Variants in KLHL13 observed in about 807,000 individuals in gnomAD.
KLHL13 encodes kelch like family member 13, also known as kelch-like protein 13.
A neutral mutation model predicts 37.1 loss-of-function variants in KLHL13; 10 were observed. That is an observed-to-expected ratio of 0.27 (90% CI 0.17 to 0.46). The LOEUF (loss-of-function observed/expected upper bound fraction) is 0.46, where lower values mean the gene tolerates loss of function less well. KLHL13 is among the 20% of genes least tolerant of loss of function. KLHL13 has a pLI of 1.00. For missense variants in KLHL13, 360 were observed against 509.3 expected (o/e 0.71, Z 2.82); for synonymous variants, 163 against 181.2 (o/e 0.90, Z 0.81).
At chrX:117,973,113 G>A in exon 1 of KLHL13, 3 of 986,510 alleles carry the variant, frequency 3.0e-6, no homozygotes, top group South Asian at 2.7e-5. Flanking sequence ...GGACTGCACT[G>A]TGCATACCAT....
At chrX:118,049,992 T>C (rs1329667611) in intron 1 of KLHL13, among the ~76,000 whole-genome samples, 1 of 112,739 alleles carries the variant, frequency 8.9e-6, no homozygotes, top group East Asian at 2.8e-4. Context: ...TGGCTATAGG[T>C]ATACACCATA....
chrX:117,965,032 A>G (rs1209185798), intron 1 of KLHL13, among the ~76,000 whole-genome samples: 4 of 111,918 alleles, frequency 3.6e-5, no homozygotes, highest in African/African-American at 1.3e-4. Context: ...ATTGTGAATA[A>G]TGCCGCAATA....
chrX:117,925,675 C>T (rs1481637752), intron 2 of KLHL13, among the ~76,000 whole-genome samples: 1 of 112,166 alleles, frequency 8.9e-6, no homozygotes, highest in African/African-American at 3.2e-5. Context: ...TGCAATATAG[C>T]ACAACTTCTG....
chrX:117,985,405 T>C, intron 1 of KLHL13: 1 of 947,271 alleles, frequency 1.1e-6, no homozygotes, highest in Non-Finnish European at 1.3e-6. Context: ...GGTACAACAC[T>C]TCAGTTGTAG....
At chrX:118,057,501 C>T (rs914862067) in intron 1 of KLHL13, among the ~76,000 whole-genome samples, 3 of 112,324 alleles carry the variant, frequency 2.7e-5, no homozygotes, top group Admixed American at 9.4e-5. Flanking sequence ...AAATGTAAAA[C>T]TTGTGCATCA....
chrX:117,948,084 CA>C (rs1360982727), intron 1 of KLHL13: 1 of 111,504 alleles, frequency 9.0e-6, no homozygotes, highest in Non-Finnish European at 1.9e-5. Flanking sequence ...ATAATGTCTG[CA>C]GACATTTTTC....
At chrX:117,941,852 T>G (rs1385256914) in intron 2 of KLHL13, among the ~76,000 whole-genome samples, 3 of 111,765 alleles carry the variant, frequency 2.7e-5, no homozygotes, top group Non-Finnish European at 5.6e-5. Flanking sequence ...ACTCTGATCT[T>G]AGTTATTTCT....
intron 1 of KLHL13, among the ~76,000 whole-genome samples, chrX:117,966,037 G>A (rs1207111768): frequency 4.5e-5 from 5 of 111,641 alleles, no homozygotes; most frequent in Non-Finnish European, 7.5e-5. Flanking sequence ...TCAACATAGT[G>A]TTGGAAGTTC....
In KLHL13 at chrX:118,028,282, CACTT is replaced by C; in HGVS notation, c.-55-82711_-55-82708del. 1.2e-5 allele frequency: 4 copies of C among 347,274 alleles called. No individual in the cohort carries two copies. The East Asian group carries it at 1.3e-4, about 11-fold the overall frequency. 28.6% of individuals were successfully genotyped at this position (347,274 alleles called of 1,213,427 possible). On this transcript the variant is annotated intron_variant, in intron 1 of 6. Coordinates refer to the KLHL13 transcript ENST00000371882. ...CATCCTCTTTATTCAATTTCTTTGT[CACTT>C]AGTCATTCTCTAACTCATTCATACA... is the stretch of plus-strand genomic sequence containing the variant.
At chrX:117,907,814 G>A (rs1930653088) in intron 5 of KLHL13, among the ~76,000 whole-genome samples, 1 of 111,172 alleles carries the variant, frequency 9.0e-6, no homozygotes, top group African/African-American at 3.3e-5. Context: ...AAAACTTTGG[G>A]TAGAAAAGAT....
chrX:117,919,313 G>T (rs182462716), intron 4 of KLHL13, among the ~76,000 whole-genome samples: 1 of 112,045 alleles, frequency 8.9e-6, no homozygotes, highest in Non-Finnish European at 1.9e-5. Flanking sequence ...CGTGAGCCAC[G>T]ATGCCCGGCC....
chrX:117,983,435 G>GAA (rs368634632), intron 1 of KLHL13: 970 of 693,543 alleles, frequency 1.4e-3, no homozygotes, highest in South Asian at 1.8e-3. Context: ...AATTCGCACT[G>GAA]AAAAAAAAAA....
intron 1 of KLHL13, among the ~76,000 whole-genome samples, chrX:118,104,412 T>C (rs1449243158): frequency 8.9e-6 from 1 of 111,886 alleles, no homozygotes; most frequent in Non-Finnish European, 1.9e-5. Context: ...TCTGGCCCAC[T>C]ATAGAGCATA....
rs930024310 is a variant in KLHL13 at position 118,030,435 on chromosome X, A to G, written c.-55-84860T>C. Reference sequence around the variant, plus strand: ...ATTACTACTAGAAATCTGATAATGTAAAACTAAATAACTCATGCCCTGTTT... The same window carrying G: ...ATTACTACTAGAAATCTGATAATGTGAAACTAAATAACTCATGCCCTGTTT... On this transcript the variant is annotated intron_variant, in intron 1 of 6. Transcript: ENST00000371882. 3.4e-4 allele frequency among the ~76,000 whole-genome samples: 38 copies of G among 112,286 alleles called. 1 individual carries two copies. The highest frequency in any genetic ancestry group is 2.6e-3 in the Admixed American group (28 of 10,576).
At chrX:117,998,040 G>A (rs1015065993) in intron 1 of KLHL13, among the ~76,000 whole-genome samples, 25 of 111,010 alleles carry the variant, frequency 2.3e-4, no homozygotes, top group Non-Finnish European at 4.3e-4. Flanking sequence ...ACGCAGGGAA[G>A]CCAAAAGCAA....
chrX:118,061,306 G>A (rs1031471960), intron 1 of KLHL13, among the ~76,000 whole-genome samples: 11 of 111,312 alleles, frequency 9.9e-5, no homozygotes, highest in African/African-American at 2.6e-4. Context: ...GAGAAACCAC[G>A]AGCATTTGGT....
chrX:117,950,989 T>C (rs916873987), intron 1 of KLHL13, among the ~76,000 whole-genome samples: 5 of 112,086 alleles, frequency 4.5e-5, no homozygotes, highest in Non-Finnish European at 9.4e-5. Flanking sequence ...AAACTTAAGA[T>C]GGTAGAAGCC....
At chrX:118,060,970 C>T (rs781750706) in intron 1 of KLHL13, among the ~76,000 whole-genome samples, 1 of 110,536 alleles carries the variant, frequency 9.0e-6, no homozygotes, top group Non-Finnish European at 1.9e-5. Flanking sequence ...AAAAGGACAC[C>T]AGTTACATTG....
At chrX:118,002,221 G>A (rs2053929880) in intron 1 of KLHL13, among the ~76,000 whole-genome samples, 1 of 111,464 alleles carries the variant, frequency 9.0e-6, no homozygotes, top group Admixed American at 9.6e-5. Flanking sequence ...TTTCCTCACG[G>A]ACTTCATGGT....
Sources: allele counts gnomAD v4.1 joint callset (sites outside exome capture counted in the v4.1 genomes callset), GRCh38; gene constraint gnomAD v4.1.1; transcripts MANE v1.5; gene names NCBI Gene and HGNC (gene_info 2026-07-23, HGNC 2026-07-21).